The following GATB variants were observed in gnomAD, a reference collection of about 807,000 sequenced individuals.
The protein encoded by GATB is glutamyl-tRNA amidotransferase subunit B, also known as glutamyl-tRNA(Gln) amidotransferase subunit B, mitochondrial.
In GATB, 39 loss-of-function variants were observed where a neutral mutation model predicts 62.3. That is an observed-to-expected ratio of 0.63 (90% CI 0.48 to 0.82). The LOEUF (loss-of-function observed/expected upper bound fraction) is 0.82. Ranked by LOEUF, GATB falls within the 40% of genes least tolerant of loss-of-function variation. The probability of loss-of-function intolerance (pLI) is 0.00; values close to 1 mark genes in which losing one functional copy is unlikely to be tolerated. For synonymous variants in GATB, 276 were observed against 258.9 expected (o/e 1.07, Z -0.63); for missense variants, 670 against 684.0 (o/e 0.98, Z 0.23).
intron 10 of GATB, among the ~76,000 whole-genome samples, chr4:151,680,290 A>C (rs1455245529): frequency 1.3e-5 from 2 of 151,878 alleles, no homozygotes; most frequent in African/African-American, 2.4e-5. Context: ...AAAAAAAAAA[A>C]AACCAGCTAA....
chr4:151,671,107 A>G lies in GATB; in HGVS notation c.*67T>C, dbSNP rs2126948981. 1 of 1,582,620 alleles carries G rather than the reference A, an allele frequency of 6.3e-7. No homozygotes were observed. The highest frequency in any genetic ancestry group is 1.1e-5 in the South Asian group (1 of 89,412). On this transcript the variant is annotated 3_prime_UTR_variant, in exon 13 of 13. Transcript: ENST00000263985. Reference sequence around the variant, plus strand: ...AGGGCACATGGGCATCAGCTTTCACAGGATCCTGTTCCCAGTCAGGCTGCA... The same window carrying G: ...AGGGCACATGGGCATCAGCTTTCACGGGATCCTGTTCCCAGTCAGGCTGCA...
intron 2 of GATB, among the ~76,000 whole-genome samples, chr4:151,745,783 T>C (rs1322528966): frequency 6.6e-6 from 1 of 152,262 alleles, no homozygotes; most frequent in East Asian, 1.9e-4. Flanking sequence ...ACATTCCTGT[T>C]TTCATTCCAT....
intron 2 of GATB, among the ~76,000 whole-genome samples, chr4:151,735,735 T>TATATATATATATATATATATA (rs1553969324): frequency 1.0e-5 from 1 of 97,992 alleles, no homozygotes; most frequent in African/African-American, 6.2e-5. Context: ...TAAACTGTGG[T>TATATATATATATATATATATA]GTATATATAT....
rs530136232 is a variant in GATB at position 151,750,517 on chromosome 4, T to C, written c.327+8255A>G. ...TTTTAAGAACGTGGACTCCTAAGAC[T>C]TGGCCCATTCCATTTCTGAGAGATA... On this transcript the variant is annotated intron_variant, in intron 2 of 12. Transcript: ENST00000263985. 1.8e-4 allele frequency among the ~76,000 whole-genome samples: 28 copies of C among 152,284 alleles called. No individual in the cohort carries two copies. In the South Asian group the frequency reaches 5.8e-3, roughly 32 times the overall value.
intron 9 of GATB, among the ~76,000 whole-genome samples, chr4:151,689,078 T>G (rs1738311591): frequency 6.6e-6 from 1 of 152,218 alleles, no homozygotes. Context: ...GTCTGCTGTG[T>G]GTAACCTGCA....
intron 5 of GATB, among the ~76,000 whole-genome samples, chr4:151,714,017 T>G (rs1002810758): frequency 6.6e-6 from 1 of 152,248 alleles, no homozygotes; most frequent in African/African-American, 2.4e-5. Flanking sequence ...GGAGCATATA[T>G]TAAATGTTCC....
chr4:151,707,926 T>G (rs535262975), intron 6 of GATB, 62 bp downstream of exon 6: 1 of 1,131,572 alleles, frequency 8.8e-7, no homozygotes, highest in East Asian at 2.4e-5. Flanking sequence ...CTGGGTTGTT[T>G]GTTACCCAGC....
intron 2 of GATB, among the ~76,000 whole-genome samples, chr4:151,750,253 T>A (rs4696111): frequency 1.1e-4 from 16 of 152,152 alleles, no homozygotes; most frequent in African/African-American, 3.4e-4. Flanking sequence ...AAGCAGCAGT[T>A]CCCCGCCCCA....
chr4:151,717,811 C>T (rs919780012), intron 3 of GATB, among the ~76,000 whole-genome samples: 2 of 152,212 alleles, frequency 1.3e-5, no homozygotes, highest in Non-Finnish European at 2.9e-5. Flanking sequence ...TGGAGAAGAA[C>T]AGAGAATAAA....
rs374822962 is a variant in GATB, at chr4:151,741,042, A to G, written c.327+17730T>C. ...CTCCTACCTCTCTTTCCAGTACAGG[A>G]GTGCCCCCTTATCCATGAGGGATAG... On this transcript the variant is annotated intron_variant, in intron 2 of 12. Coordinates refer to ENST00000263985, the MANE Select transcript of GATB (RefSeq NM_004564.3). Among the ~76,000 whole-genome samples the G allele has an allele frequency of 1.5e-4, 23 of 152,266 alleles. 1 individual carries two copies. The East Asian group carries it at 3.7e-3, about 24-fold the overall frequency.
chr4:151,724,190 C>G (rs530540925), intron 2 of GATB: 1 of 152,264 alleles, frequency 6.6e-6, no homozygotes, highest in East Asian at 1.9e-4. Context: ...CATTTAACAA[C>G]AACTCCCAAC....
chr4:151,724,167 T>C (rs1177502340), intron 2 of GATB: 1 of 152,158 alleles, frequency 6.6e-6, no homozygotes, highest in Non-Finnish European at 1.5e-5. Flanking sequence ...TATTCCATGA[T>C]CTCTGAGACC....
At chr4:151,684,468 C>A (rs1298650946) in intron 10 of GATB, among the ~76,000 whole-genome samples, 1 of 152,226 alleles carries the variant, frequency 6.6e-6, no homozygotes. Context: ...TGCTAATTCA[C>A]GTAATCATTC....
chr4:151,728,454 G>T (rs1333175005), intron 2 of GATB, among the ~76,000 whole-genome samples: 1 of 152,158 alleles, frequency 6.6e-6, no homozygotes, highest in African/African-American at 2.4e-5. Flanking sequence ...ATATGGCCAA[G>T]ATCTTTAGTG....
chr4:151,673,050 T>A, intron 11 of GATB, 154 bp from the exon 12 acceptor site: 1 of 887,670 alleles, frequency 1.1e-6, no homozygotes, highest in Non-Finnish European at 1.7e-6. Context: ...AAAGGGCACC[T>A]GGCTGCCCTG....
At chr4:151,739,906 C>T (rs1739450730) in intron 2 of GATB, among the ~76,000 whole-genome samples, 1 of 152,182 alleles carries the variant, frequency 6.6e-6, no homozygotes, top group Non-Finnish European at 1.5e-5. Context: ...TCCTAATCAA[C>T]ATGCCCACAA....
chr4:151,692,586 G>A (rs533647970), intron 9 of GATB, among the ~76,000 whole-genome samples: 1 of 152,300 alleles, frequency 6.6e-6, no homozygotes, highest in East Asian at 1.9e-4. Context: ...CCCAGACCAG[G>A]AAGGAAGACA....
intron 2 of GATB, among the ~76,000 whole-genome samples, chr4:151,735,235 GA>G (rs530781519): frequency 0.027 from 2,712 of 98,776 alleles, 44 homozygotes; most frequent in African/African-American, 0.062. Flanking sequence ...AAATCAGTAA[GA>G]AAAAAAAAAA....
intron 2 of GATB, among the ~76,000 whole-genome samples, chr4:151,745,568 T>A (rs2126995409): frequency 6.6e-6 from 1 of 152,370 alleles, no homozygotes; most frequent in Middle Eastern, 3.4e-3. Flanking sequence ...GCAAGACCCC[T>A]TCTGCTGCAA....
Sources: gnomAD v4.1 joint callset for allele counts (sites outside exome capture counted in the v4.1 genomes callset) on GRCh38, gnomAD v4.1.1 for gene constraint, MANE v1.5 for transcripts, NCBI Gene and HGNC (gene_info 2026-07-23, HGNC 2026-07-21) for gene names.